Variants in CDK13 observed in about 807,000 individuals in gnomAD.
CDK13 encodes the protein cyclin-dependent kinase 13.
In CDK13, 40 loss-of-function variants were observed where a neutral mutation model predicts 137.6. The ratio of observed to expected loss-of-function variants is 0.29; its 90% CI spans 0.23 to 0.38. CDK13 has a LOEUF of 0.38. Ranked by LOEUF, CDK13 falls within the 10% of genes least tolerant of loss-of-function variation. The pLI, the probability that CDK13 is intolerant of heterozygous loss-of-function variation, is 1.00. For synonymous variants in CDK13, 869 were observed against 760.1 expected, an observed-to-expected ratio of 1.14 and a Z score of -2.36; for missense variants, 1,704 against 1,951.8, an observed-to-expected ratio of 0.87 and a Z score of 2.39.
intron 7 of CDK13, chr7:40,061,803 C>T (rs1027654490): frequency 6.6e-6 from 1 of 152,218 alleles, no homozygotes; most frequent in Non-Finnish European, 1.5e-5. Flanking sequence ...GCGTTGAACA[C>T]TTTACATTGC....
intron 2 of CDK13, among the ~76,000 whole-genome samples, chr7:39,992,128 C>T (rs892542260): frequency 6.6e-6 from 1 of 150,784 alleles, no homozygotes; most frequent in Non-Finnish European, 1.5e-5. Flanking sequence ...CAAGCACACA[C>T]GCTCCATCTC....
chr7:40,026,528 A>G (rs747191539), intron 5 of CDK13, among the ~76,000 whole-genome samples: 6 of 152,178 alleles, frequency 3.9e-5, no homozygotes, highest in Non-Finnish European at 5.9e-5. Context: ...TAAATAAATA[A>G]CAATCTACCA....
intron 2 of CDK13, among the ~76,000 whole-genome samples, chr7:39,995,652 A>G (rs1003707057): frequency 1.7e-4 from 26 of 152,208 alleles, no homozygotes; most frequent in African/African-American, 6.3e-4. Context: ...CTCACAACCA[A>G]TATTTGCTGA....
chr7:39,996,983 A>AAAAAAAAAAAAAAAAAAAAG (rs1562719391), intron 2 of CDK13, among the ~76,000 whole-genome samples: 11 of 141,476 alleles, frequency 7.8e-5, no homozygotes, highest in African/African-American at 3.0e-4. Context: ...AAAAGAAAAA[A>AAAAAAAAAAAAAAAAAAAAG]AAAAAGAAAA....
In CDK13 at chr7:40,003,010, T is replaced by TAGAGGCTTCAGTGAGCTGTGATTGC. The variant is rs541547747; in HGVS notation, c.2353+981_2353+1005dup. Among the ~76,000 whole-genome samples the TAGAGGCTTCAGTGAGCTGTGATTGC allele has an allele frequency of 7.9e-4, 120 of 151,912 alleles. No homozygotes were observed. In the East Asian group the frequency reaches 0.016, roughly 20 times the overall value. On this transcript the variant is annotated intron_variant, in intron 5 of 13. Transcript: ENST00000181839. The stretch of plus-strand genomic sequence containing the variant: ...AGGAGGATCTCTTGAGTGCAGGAGA[T>TAGAGGCTTCAGTGAGCTGTGATTGC]AGAGGCTTCAGTGAGCTGTGATTGC...
At chr7:39,969,648 G>T (rs913642803) in intron 1 of CDK13, among the ~76,000 whole-genome samples, 1 of 151,912 alleles carries the variant, frequency 6.6e-6, no homozygotes, top group Non-Finnish European at 1.5e-5. Context: ...GATTCCAGAT[G>T]CCTCACCTCC....
intron 7 of CDK13, among the ~76,000 whole-genome samples, chr7:40,049,890 C>G (rs1248226169): frequency 1.3e-5 from 2 of 152,138 alleles, no homozygotes; most frequent in East Asian, 3.8e-4. Flanking sequence ...CACGTTCATC[C>G]ATGTTGTCAT....
At chr7:40,054,455 A>C (rs1785966077) in intron 7 of CDK13, among the ~76,000 whole-genome samples, 2 of 151,100 alleles carry the variant, frequency 1.3e-5, no homozygotes, top group Admixed American at 6.6e-5. Flanking sequence ...TTTGAGATGG[A>C]GTTTCGCTCT....
chr7:40,078,680 C>G, intron 10 of CDK13, 40 bp from the exon 11 acceptor site: 1 of 1,329,372 alleles, frequency 7.5e-7, no homozygotes, highest in Non-Finnish European at 9.9e-7. Context: ...AAGCTTGTGT[C>G]TAAAGAACAC....
intron 5 of CDK13, among the ~76,000 whole-genome samples, chr7:40,030,840 G>A (rs1328583323): frequency 6.6e-6 from 1 of 151,998 alleles, no homozygotes; most frequent in African/African-American, 2.4e-5. Context: ...GTCTTTCTGT[G>A]GCTTTATAAC....
intron 5 of CDK13, among the ~76,000 whole-genome samples, chr7:40,020,349 T>G (rs1394994586): frequency 1.3e-5 from 2 of 152,206 alleles, no homozygotes; most frequent in African/African-American, 2.4e-5. Context: ...ATTACAGGTG[T>G]GAGCCGCTGC....
At chr7:39,982,365 A>G (rs1436720225) in intron 1 of CDK13, among the ~76,000 whole-genome samples, 1 of 152,116 alleles carries the variant, frequency 6.6e-6, no homozygotes, top group Non-Finnish European at 1.5e-5. Flanking sequence ...TTATGGCTGC[A>G]TAGCATTCCA....
At chr7:40,012,401 C>G (rs553166637) in intron 5 of CDK13, among the ~76,000 whole-genome samples, 1 of 152,074 alleles carries the variant, frequency 6.6e-6, no homozygotes, top group Non-Finnish European at 1.5e-5. Context: ...GAGTTCAAGA[C>G]CAGCCTGGGC....
chr7:40,073,590 CTTTCTTTT>C (rs1241024853), intron 9 of CDK13: 2 of 136,432 alleles, frequency 1.5e-5, no homozygotes, highest in Non-Finnish European at 3.3e-5. Context: ...CTTTTTCTTT[CTTTCTTTT>C]TTTTTTTTAT....
At position 40,094,299 on chromosome 7, in the gene CDK13, C is replaced by T. The variant is rs1332381608; in HGVS notation, c.3858C>T (p.Thr1286=). 14 of 1,612,992 alleles carry T rather than the reference C, an allele frequency of 8.7e-6. No individual in the cohort carries two copies. Among genetic ancestry groups the T allele is most frequent in the Non-Finnish European group, 1.2e-5 (14 of 1,179,504 alleles). The part of the protein sequence containing the change: ...DYRTENQHVP[T]TSSSLTDPHA... Reference sequence around the variant, plus strand: ...GGACAGAAAACCAGCATGTACCCACCACCAGTTCTTCATTAACTGACCCTC... The same window carrying T: ...GGACAGAAAACCAGCATGTACCCACTACCAGTTCTTCATTAACTGACCCTC... Residue 1286 remains threonine, a synonymous_variant, in exon 14 of 14, where the codon ACC becomes ACT. Transcript: ENST00000181839.
chr7:39,959,829 A>T (rs1787551209), intron 1 of CDK13, among the ~76,000 whole-genome samples: 1 of 125,318 alleles, frequency 8.0e-6, no homozygotes. Flanking sequence ...TGTGTGTTAT[A>T]GCTACTAACT....
intron 5 of CDK13, among the ~76,000 whole-genome samples, chr7:40,022,389 C>A (rs1299317115): frequency 6.6e-6 from 1 of 152,174 alleles, no homozygotes; most frequent in South Asian, 2.1e-4. Context: ...TCCTTCTCTT[C>A]CAATACTCAT....
Position 40,078,810 on chromosome 7 carries a change from G to A in CDK13, c.2988G>A (p.Glu996=), listed in dbSNP as rs1786601694. The A allele has an allele frequency of 3.3e-6, 5 of 1,517,266 alleles. No homozygotes were observed. The highest frequency in any genetic ancestry group is 4.4e-6 in the Non-Finnish European group (5 of 1,127,134). 94.0% of individuals were successfully genotyped at this position (1,517,266 alleles called of 1,614,324 possible). The change falls in exon 11 of 14, where the codon GAG becomes GAA. Residue 996 remains glutamate (E), a synonymous_variant. Coordinates refer to ENST00000181839, the MANE Select transcript of CDK13 (RefSeq NM_003718.5). Reference sequence around the variant, plus strand: ...CTGCTGAACAGGCTCTTCAGTGCGAGTTCCTCCGAGATGTGGAACCCTCAA... The same window carrying A: ...CTGCTGAACAGGCTCTTCAGTGCGAATTCCTCCGAGATGTGGAACCCTCAA... The part of the protein sequence containing the change: ...RCTAEQALQC[E]FLRDVEPSKM...
intron 5 of CDK13, among the ~76,000 whole-genome samples, chr7:40,033,831 C>T (rs949116148): frequency 6.6e-6 from 1 of 152,108 alleles, no homozygotes; most frequent in African/African-American, 2.4e-5. Flanking sequence ...TCTACAAGTA[C>T]TTCTAAGTTT....
Sources: gnomAD v4.1 joint callset for allele counts (sites outside exome capture counted in the v4.1 genomes callset) on GRCh38, gnomAD v4.1.1 for gene constraint, MANE v1.5 for transcripts, NCBI Gene and HGNC (gene_info 2026-07-23, HGNC 2026-07-21) for gene names.